The following LSM11 variants were observed in gnomAD, a reference collection of about 807,000 sequenced individuals.
LSM11 encodes U7 snRNA-associated Sm-like protein LSm11.
In LSM11, 14 loss-of-function variants were observed where a neutral mutation model predicts 28.1. The observed-to-expected ratio is 0.50, with a 90% CI of 0.33 to 0.78. The LOEUF (loss-of-function observed/expected upper bound fraction) is 0.78. LSM11 is among the 30% of genes least tolerant of loss of function. The probability of loss-of-function intolerance (pLI) is 0.02; values close to 1 mark genes in which losing one functional copy is unlikely to be tolerated. For missense variants in LSM11, 495 were observed against 510.6 expected, an observed-to-expected ratio of 0.97 and a Z score of 0.30; for synonymous variants, 207 against 214.2, an observed-to-expected ratio of 0.97 and a Z score of 0.30.
intron 2 of LSM11, among the ~76,000 whole-genome samples, chr5:157,753,385 T>C (rs945867660): frequency 3.3e-5 from 5 of 152,218 alleles, no homozygotes; most frequent in African/African-American, 9.7e-5. Context: ...TGTCAGCTTC[T>C]ATTTGTAGGG....
chr5:157,750,660 G>A (rs1561620231), intron 1 of LSM11, among the ~76,000 whole-genome samples: 1 of 152,206 alleles, frequency 6.6e-6, no homozygotes, highest in Admixed American at 6.5e-5. Flanking sequence ...CTTTGAACAT[G>A]TAAACAAGGT....
intron 3 of LSM11, 73 bp from the exon 4 acceptor site, chr5:157,754,781 C>T: frequency 7.4e-7 from 1 of 1,346,342 alleles, no homozygotes; most frequent in Non-Finnish European, 1.0e-6. Flanking sequence ...AGAATTTGGT[C>T]TTTTTCTGTA....
Position 157,747,184 on chromosome 5 carries a change from G to A in LSM11, c.448+2986G>A, listed in dbSNP as rs186623760. ...AGTGTCTATATTTCTCCTTAGTATC[G>A]CAGCACCATACCTAGCCCACGGTGG... On this transcript the variant is annotated intron_variant, in intron 1 of 3. Coordinates refer to ENST00000286307, the MANE Select transcript of LSM11 (RefSeq NM_173491.4). Among the ~76,000 whole-genome samples the A allele has an allele frequency of 3.9e-5, 6 of 152,128 alleles. No homozygotes were observed. The East Asian group carries it at 5.8e-4, about 15-fold the overall frequency.
chr5:157,754,793 G>T lies in LSM11; in HGVS notation c.673-61G>T. ...TAAAGAATTTGGTCTTTTTCTGTAT[G>T]TTGAAAGAGGGTGATGAAGGCTAAA... On this transcript the variant is annotated intron_variant, in intron 3 of 3. Transcript: ENST00000286307. 2.7e-6 allele frequency: 4 copies of T among 1,463,198 alleles called. 1 individual carries two copies. Among genetic ancestry groups the T allele is most frequent in the Admixed American group, 2.1e-5 (1 of 48,272 alleles). The allele number at this position is 1,463,198 out of a possible 1,614,324, so 90.6% of individuals were successfully genotyped here. A position where few individuals can be genotyped will look rare whatever the true frequency, so the allele number is the denominator to read the frequency against.
At position 157,755,054 on chromosome 5, in the gene LSM11, G is replaced by C; in HGVS notation, c.873G>C (p.Glu291Asp). Residue 291 changes from glutamate (E) to aspartate (D), a missense_variant, in exon 4 of 4, where the codon GAG becomes GAC. Physicochemically the swap from Glu to Asp is conservative, Grantham distance 45. Coordinates refer to ENST00000286307, the MANE Select transcript of LSM11 (RefSeq NM_173491.4). ...CTTCCCTGCAGGCCTCTGCAAGGGA[G>C]GAGTCCAGGTCAGAGCTGTCAGGGA... ...VPSSLQASAREESRSELSGRT... is the reference protein window; with the variant it reads ...VPSSLQASARDESRSELSGRT... 2 of 1,614,228 alleles carry C rather than the reference G, an allele frequency of 1.2e-6. No homozygotes were observed. Among genetic ancestry groups the C allele is most frequent in the Non-Finnish European group, 1.7e-6 (2 of 1,180,036 alleles).
At chr5:157,748,110 C>T (rs1229746667) in intron 1 of LSM11, among the ~76,000 whole-genome samples, 1 of 152,128 alleles carries the variant, frequency 6.6e-6, no homozygotes, top group Non-Finnish European at 1.5e-5. Flanking sequence ...ATTGTACTTT[C>T]AATCTGTCAT....
intron 1 of LSM11, among the ~76,000 whole-genome samples, chr5:157,749,514 C>G (rs1215054556): frequency 6.6e-6 from 1 of 152,084 alleles, no homozygotes; most frequent in Non-Finnish European, 1.5e-5. Context: ...TTATAATGAC[C>G]TGAAAATTGT....
chr5:157,757,295 G>C lies in LSM11; in HGVS notation c.*2031G>C, dbSNP rs938159731. On this transcript the variant is annotated 3_prime_UTR_variant, in exon 4 of 4. Transcript: ENST00000286307. ...TCCTTCCTCCTAAGGGACAATGGAA[G>C]TTCTCAGAAGAGTATCTTCAGTAAG... 1.3e-5 allele frequency: 2 copies of C among 152,098 alleles called. No individual in the cohort carries two copies. Among genetic ancestry groups the C allele is most frequent in the African/African-American group, 4.8e-5 (2 of 41,426 alleles). The allele number at this position is 152,098 out of a possible 1,614,324, so 9.4% of individuals were successfully genotyped here.
Position 157,754,079 on chromosome 5 carries a change from C to T in LSM11, c.664C>T (p.Leu222Phe). ...KAYERDSSLT[L>F]TRLFDRLKLQ... ...ATATGAACGGGATTCTTCACTGACT[C>T]TCACTAGGGTAGGCAGTTTTCCCCT... is the stretch of plus-strand genomic sequence containing the variant. Residue 222 changes from leucine to phenylalanine, a missense_variant, in exon 3 of 4, where the codon CTC becomes TTC. By Grantham distance (22) the Leu-to-Phe change is conservative. Coordinates refer to ENST00000286307, the MANE Select transcript of LSM11 (RefSeq NM_173491.4). The T allele has an allele frequency of 6.4e-7, 1 of 1,573,250 alleles. No individual in the cohort carries two copies. Among genetic ancestry groups the T allele is most frequent in the Non-Finnish European group, 8.6e-7 (1 of 1,160,784 alleles).
At chr5:157,744,630 C>G (rs1006089977) in intron 1 of LSM11, among the ~76,000 whole-genome samples, 2 of 151,858 alleles carry the variant, frequency 1.3e-5, no homozygotes, top group African/African-American at 4.8e-5. Flanking sequence ...GATGAGAGGT[C>G]TTAGAGACCA....
chr5:157,754,692 CAAAAAAAA>C, intron 3 of LSM11, among the ~76,000 whole-genome samples, 154 bp from the exon 4 acceptor site: 1 of 90,264 alleles, frequency 1.1e-5, no homozygotes, highest in Non-Finnish European at 2.1e-5. Flanking sequence ...ACTCCGTCTC[CAAAAAAAA>C]AAAAAAAAAA....
In LSM11 at chr5:157,760,386, C is replaced by T. The variant is rs531625807; in HGVS notation, c.*5122C>T. The T allele has an allele frequency of 1.3e-5, 2 of 152,282 alleles. No individual in the cohort carries two copies. Among genetic ancestry groups the T allele is most frequent in the Non-Finnish European group, 1.5e-5 (1 of 68,030 alleles). 9.4% of individuals were successfully genotyped at this position (152,282 alleles called of 1,614,324 possible). A position where few individuals can be genotyped will look rare whatever the true frequency, so the allele number is the denominator to read the frequency against. On this transcript the variant is annotated 3_prime_UTR_variant, in exon 4 of 4. Coordinates refer to ENST00000286307, the MANE Select transcript of LSM11 (RefSeq NM_173491.4). ...TAAGCCATGTCTTGAAAGTGATTTGCTTGTTTCATACTGACATCTAAAGAC... is the reference window on the plus strand; with the variant it reads ...TAAGCCATGTCTTGAAAGTGATTTGTTTGTTTCATACTGACATCTAAAGAC...
chr5:157,754,301 G>A (rs1023381103), intron 3 of LSM11, among the ~76,000 whole-genome samples: 1 of 152,168 alleles, frequency 6.6e-6, no homozygotes, highest in Admixed American at 6.5e-5. Flanking sequence ...TATTTGAGGA[G>A]CAAGTTGTCT....
At chr5:157,748,383 A>G (rs536182671) in intron 1 of LSM11, among the ~76,000 whole-genome samples, 9 of 152,196 alleles carry the variant, frequency 5.9e-5, no homozygotes, top group South Asian at 2.1e-4. Context: ...CTTGAATGCC[A>G]GTCCACCATG....
chr5:157,744,128 C>A lies in LSM11; in HGVS notation c.378C>A (p.Ala126=), dbSNP rs1311943226. Reference sequence around the variant, plus strand: ...TGGCCAAAGAGGAAGGGGACGGGGCCGCAGGAGCGGGCCGGAGGGGTCCGG... The same window carrying A: ...TGGCCAAAGAGGAAGGGGACGGGGCAGCAGGAGCGGGCCGGAGGGGTCCGG... ...LMVAKEEGDG[A]AGAGRRGPGR... is the part of the protein sequence containing the mutation. Residue 126 remains alanine, a synonymous_variant, in exon 1 of 4, where the codon GCC becomes GCA. Transcript: ENST00000286307. 4 of 1,476,796 alleles carry A rather than the reference C, an allele frequency of 2.7e-6. No individual in the cohort carries two copies. Among genetic ancestry groups the A allele is most frequent in the Non-Finnish European group, 3.6e-6 (4 of 1,118,050 alleles). The allele number at this position is 1,476,796 out of a possible 1,614,324, so 91.5% of individuals were successfully genotyped here.
chr5:157,750,000 A>G (rs1761206141), intron 1 of LSM11, among the ~76,000 whole-genome samples: 1 of 152,252 alleles, frequency 6.6e-6, no homozygotes, highest in Non-Finnish European at 1.5e-5. Flanking sequence ...AATACTCTAT[A>G]TATCCAGACT....
intron 1 of LSM11, among the ~76,000 whole-genome samples, chr5:157,748,624 C>T (rs938022191): frequency 2.0e-5 from 3 of 152,106 alleles, no homozygotes; most frequent in Non-Finnish European, 1.5e-5. Context: ...CTTGTTTTGC[C>T]GCCACCTGAG....
At position 157,755,546 on chromosome 5, in the gene LSM11, T is replaced by C. The variant is rs1164495920; in HGVS notation, c.*282T>C. The C allele has an allele frequency of 5.6e-6, 3 of 533,900 alleles. No homozygotes were observed. The African/African-American group carries it at 5.7e-5, about 10-fold the overall frequency. The allele number at this position is 533,900 out of a possible 1,614,324, so 33.1% of individuals were successfully genotyped here. A position where few individuals can be genotyped will look rare whatever the true frequency, so the allele number is the denominator to read the frequency against. On this transcript the variant is annotated 3_prime_UTR_variant, in exon 4 of 4. Transcript: ENST00000286307. ...AGACCCTGAAACCAAATATCTGATC[T>C]TCCATTAGACTTAGGGGTCATGATA...
In LSM11 at chr5:157,758,783, AT is replaced by A; in HGVS notation, c.*3522del. 6.6e-6 allele frequency: 1 copy of A among 152,352 alleles called. No individual in the cohort carries two copies. The highest frequency in any genetic ancestry group is 1.9e-4 in the East Asian group (1 of 5,176). 9.4% of individuals were successfully genotyped at this position (152,352 alleles called of 1,614,324 possible). On this transcript the variant is annotated 3_prime_UTR_variant, in exon 4 of 4. Coordinates refer to ENST00000286307, the MANE Select transcript of LSM11 (RefSeq NM_173491.4). ...AACATGGGAATATGTTTTCAAGACA[AT>A]TTATAGGACATACTTATGTAGTTGG...
Sources: gnomAD v4.1 joint callset for allele counts (sites outside exome capture counted in the v4.1 genomes callset) on GRCh38, gnomAD v4.1.1 for gene constraint, MANE v1.5 for transcripts, NCBI Gene and HGNC (gene_info 2026-07-23, HGNC 2026-07-21) for gene names.